The following RBM4B variants were observed in gnomAD, a reference collection of about 807,000 sequenced individuals.
RBM4B encodes the protein RNA binding motif protein 4B.
RBM4B carries 13 observed loss-of-function variants against 28.5 expected under a neutral mutation model. The observed-to-expected ratio is 0.46, with a 90% confidence interval of 0.30 to 0.72. The LOEUF (loss-of-function observed/expected upper bound fraction) is 0.72, where lower values mean the gene tolerates loss of function less well. RBM4B is among the 30% of genes least tolerant of loss of function. The pLI is 0.09. For synonymous variants in RBM4B, 167 were observed against 179.1 expected, an observed-to-expected ratio of 0.93 and a Z score of 0.54; for missense variants, 387 against 477.6, an observed-to-expected ratio of 0.81 and a Z score of 1.77.
Position 66,677,098 on chromosome 11 carries a change from G to A in RBM4B, c.-12-7C>T, listed in dbSNP as rs377658127. 13 of 1,609,066 alleles carry A rather than the reference G, an allele frequency of 8.1e-6. No homozygotes were observed. The highest frequency in any genetic ancestry group is 2.7e-5 in the African/African-American group (2 of 74,774). Reference sequence around the variant, plus strand: ...TCACCATCCTGACAAGAGCCTGGGAGAGAAACACAAGACTTCAAAAGTCAG... The same window carrying A: ...TCACCATCCTGACAAGAGCCTGGGAAAGAAACACAAGACTTCAAAAGTCAG... On this transcript the variant is annotated splice_polypyrimidine_tract_variant and splice_region_variant and intron_variant, in intron 1 of 3. Coordinates refer to ENST00000310046, the MANE Select transcript of RBM4B (RefSeq NM_031492.4).
At chr11:66,673,143 A>T (rs1344798789) in intron 2 of RBM4B, among the ~76,000 whole-genome samples, 4 of 152,076 alleles carry the variant, frequency 2.6e-5, no homozygotes, top group Admixed American at 2.6e-4. Flanking sequence ...TGTAGCTAAT[A>T]CAGAGTAGTA....
intron 2 of RBM4B, 69 bp from the exon 3 acceptor site, chr11:66,669,360 T>A: frequency 6.9e-7 from 1 of 1,456,390 alleles, no homozygotes; most frequent in South Asian, 1.2e-5. Flanking sequence ...CCTCCCCAAA[T>A]GAAAGTAAAT....
chr11:66,674,402 G>C (rs1467540903), intron 2 of RBM4B, among the ~76,000 whole-genome samples: 1 of 150,084 alleles, frequency 6.7e-6, no homozygotes. Flanking sequence ...TTTTTTTTTT[G>C]TATTTTTAGT....
chr11:66,672,715 T>C (rs2135245100), intron 2 of RBM4B, among the ~76,000 whole-genome samples: 1 of 152,200 alleles, frequency 6.6e-6, no homozygotes, highest in Non-Finnish European at 1.5e-5. Context: ...CAGGCTGGTC[T>C]CGAACTCCTG....
At chr11:66,674,474 G>T (rs1280625469) in intron 2 of RBM4B, among the ~76,000 whole-genome samples, 8 of 151,752 alleles carry the variant, frequency 5.3e-5, no homozygotes, top group African/African-American at 1.9e-4. Context: ...TGATCCCCCC[G>T]CCTTGGCCTC....
In RBM4B at chr11:66,677,049, G is replaced by C; in HGVS notation, c.31C>G (p.Arg11Gly). ...CGAATCTCCTGCTCTGTAGCCTCCC[G>C]GGGAAGGTTTCCGATGAACAGCTTC... MVKLFIGNLP[R>G]EATEQEIRSL... The change falls in exon 2 of 4, where the codon CGG becomes GGG. Residue 11 changes from arginine (R) to glycine (G), a missense_variant. Coordinates refer to ENST00000310046, the MANE Select transcript of RBM4B (RefSeq NM_031492.4). The C allele has an allele frequency of 6.2e-7, 1 of 1,614,018 alleles. No homozygotes were observed. The highest frequency in any genetic ancestry group is 8.5e-7 in the Non-Finnish European group (1 of 1,179,972).
chr11:66,670,015 C>T (rs1232657503), intron 2 of RBM4B, among the ~76,000 whole-genome samples: 1 of 152,238 alleles, frequency 6.6e-6, no homozygotes, highest in Admixed American at 6.5e-5. Flanking sequence ...TTGCCCATCT[C>T]TCACTGACTG....
chr11:66,669,302 C>T lies in RBM4B; in HGVS notation c.413-11G>A. 6.2e-7 allele frequency: 1 copy of T among 1,609,522 alleles called. No individual in the cohort carries two copies. Among genetic ancestry groups the T allele is most frequent in the South Asian group, 1.1e-5 (1 of 90,960 alleles). ...CATGCATTCTTTTGCCTTGAGGGAA[C>T]AGATGTAAGAAGATTTATTTTAACT... On this transcript the variant is annotated splice_polypyrimidine_tract_variant and intron_variant, in intron 2 of 3. Transcript: ENST00000310046.
chr11:66,676,805 T>C lies in RBM4B; in HGVS notation c.275A>G (p.Gln92Arg), dbSNP rs771833803. 2 of 1,614,158 alleles carry C rather than the reference T, an allele frequency of 1.2e-6. No homozygotes were observed. Among genetic ancestry groups the C allele is most frequent in the Admixed American group, 3.3e-5 (2 of 60,002 alleles). Reference protein sequence around the residue: ...VGNISPTCTNQELRAKFEEYG... With the variant: ...VGNISPTCTNRELRAKFEEYG... ...CTCCTCAAACTTGGCTCGAAGCTCT[T>C]GGTTGGTACAAGTGGGGCTGATGTT... The change falls in exon 2 of 4, where the codon CAA becomes CGA. Residue 92 changes from glutamine to arginine, a missense_variant. This residue lies in a region of RBM4B where 161 missense variants were observed against 256.9 expected (regional missense o/e 0.63). Transcript: ENST00000310046.
At chr11:66,665,712 T>C (rs758319142) in intron 3 of RBM4B, 134 bp from the exon 4 acceptor site, 8 of 1,438,560 alleles carry the variant, frequency 5.6e-6, no homozygotes, top group African/African-American at 1.4e-5. Context: ...TCAGACTGGA[T>C]CTAACTCATA....
chr11:66,674,167 AT>A (rs1366716516), intron 2 of RBM4B, among the ~76,000 whole-genome samples: 23 of 132,764 alleles, frequency 1.7e-4, no homozygotes, highest in East Asian at 4.4e-4. Flanking sequence ...CAATTAACTG[AT>A]TTTTTTTTCT....
intron 2 of RBM4B, chr11:66,675,709 G>C (rs995479471): frequency 6.6e-5 from 10 of 152,196 alleles, no homozygotes; most frequent in Non-Finnish European, 1.0e-4. Context: ...AACACTTGTA[G>C]AACAGTGCTA....
intron 2 of RBM4B, chr11:66,675,429 A>T (rs1318188959): frequency 6.6e-6 from 1 of 152,258 alleles, no homozygotes; most frequent in Non-Finnish European, 1.5e-5. Flanking sequence ...TGCTTTAAAG[A>T]GCAGCTAAAG....
At chr11:66,669,334 A>T in intron 2 of RBM4B, 43 bp from the exon 3 acceptor site, 1 of 1,572,840 alleles carries the variant, frequency 6.4e-7, no homozygotes. Flanking sequence ...AACTCACTTG[A>T]CATTCTTTTT....
chr11:66,670,019 C>G (rs1939411463), intron 2 of RBM4B, among the ~76,000 whole-genome samples: 1 of 152,238 alleles, frequency 6.6e-6, no homozygotes, highest in African/African-American at 2.4e-5. Context: ...CCATCTCTCA[C>G]TGACTGACTA....
At chr11:66,668,138 G>C (rs891003180) in intron 3 of RBM4B, 5 of 162,480 alleles carry the variant, frequency 3.1e-5, no homozygotes, top group African/African-American at 1.2e-4. Context: ...GAGCGAGTAT[G>C]GGTTTTGGTA....
At chr11:66,673,208 C>CT (rs904618031) in intron 2 of RBM4B, among the ~76,000 whole-genome samples, 5 of 151,608 alleles carry the variant, frequency 3.3e-5, no homozygotes, top group Non-Finnish European at 7.4e-5. Context: ...CACCTGAACT[C>CT]TCACACATTC....
rs1332980874 is a variant in RBM4B, at chr11:66,669,197, C to A, written c.507G>T (p.Gly169=). The A allele has an allele frequency of 2.5e-6, 4 of 1,614,038 alleles. No individual in the cohort carries two copies. The highest frequency in any genetic ancestry group is 3.4e-6 in the Non-Finnish European group (4 of 1,180,042). Residue 169 remains glycine (G), a synonymous_variant, in exon 3 of 4, where the codon GGG becomes GGT. Coordinates refer to ENST00000310046, the MANE Select transcript of RBM4B (RefSeq NM_031492.4). The part of the protein sequence containing the change: ...QSGCYRCGKE[G]HWSKECPVDR... Reference sequence around the variant, plus strand: ...CTACTGGGCACTCTTTGGACCAGTGCCCTTCTTTCCCACACCGATAGCAGC... The same window carrying A: ...CTACTGGGCACTCTTTGGACCAGTGACCTTCTTTCCCACACCGATAGCAGC...
At chr11:66,676,330 G>A (rs908806590) in intron 2 of RBM4B, 8 of 455,022 alleles carry the variant, frequency 1.8e-5, no homozygotes, top group African/African-American at 1.6e-4. Flanking sequence ...AAGCAGGTAA[G>A]CCACGGACCT....
Sources: allele counts gnomAD v4.1 joint callset (sites outside exome capture counted in the v4.1 genomes callset), GRCh38; gene constraint gnomAD v4.1.1; regional missense constraint gnomAD v4.1.1; transcripts MANE v1.5; gene names NCBI Gene and HGNC (gene_info 2026-07-23, HGNC 2026-07-21).